Variants in POC1A observed in about 807,000 individuals in gnomAD.
The protein encoded by POC1A is POC1 centriolar protein A.
In POC1A, 34 loss-of-function variants were observed where a neutral mutation model predicts 47.8. The ratio of observed to expected loss-of-function variants is 0.71; its 90% CI spans 0.54 to 0.95. POC1A has a LOEUF of 0.95. Among genes scored for constraint, POC1A ranks in the 40% least tolerant of loss-of-function variants. The pLI, the probability that POC1A is intolerant of heterozygous loss-of-function variation, is 0.00. For synonymous variants in POC1A, 177 were observed against 207.6 expected (o/e 0.85, Z 1.27); for missense variants, 466 against 528.3 (o/e 0.88, Z 1.16).
At chr3:52,087,414 T>TC in intron 10 of POC1A, among the ~76,000 whole-genome samples, 1 of 152,088 alleles carries the variant, frequency 6.6e-6, no homozygotes, top group Non-Finnish European at 1.5e-5. Flanking sequence ...TTTTAACCAC[T>TC]CCCCCTAACC....
At chr3:52,088,159 G>A (rs969287529) in intron 10 of POC1A, among the ~76,000 whole-genome samples, 1 of 152,156 alleles carries the variant, frequency 6.6e-6, no homozygotes, top group Non-Finnish European at 1.5e-5. Context: ...GGAAGTCTCA[G>A]TATAGCCTGG....
rs1698343397 is a variant in POC1A, at chr3:52,145,846, A to T, written c.679T>A (p.Leu227Met). Residue 227 changes from leucine (L) to methionine (M), a missense_variant and splice_region_variant, in exon 6 of 11, where the codon TTG (leucine) becomes ATG (methionine). Physicochemically the swap from Leu to Met is conservative, Grantham distance 15. Coordinates refer to ENST00000296484, the MANE Select transcript of POC1A (RefSeq NM_015426.5). ...RTHRLLQHYQ[L>M]HSAAVNGLSF... ...GCCCAGGAGGCTGTTCACCACTCAC[A>T]CTGATAATGCTGCAGCAGCCGGTGA... 2 of 1,607,110 alleles carry T rather than the reference A, an allele frequency of 1.2e-6. No homozygotes were observed. Among genetic ancestry groups the T allele is most frequent in the Admixed American group, 3.3e-5 (2 of 60,006 alleles).
chr3:52,110,188 T>C (rs1032968152), intron 9 of POC1A, among the ~76,000 whole-genome samples: 4 of 152,142 alleles, frequency 2.6e-5, no homozygotes, highest in African/African-American at 9.7e-5. Flanking sequence ...CTGAGCACCA[T>C]GGCAAGAGCA....
At chr3:52,112,460 G>T (rs1016433072) in intron 9 of POC1A, among the ~76,000 whole-genome samples, 1 of 152,082 alleles carries the variant, frequency 6.6e-6, no homozygotes, top group African/African-American at 2.4e-5. Flanking sequence ...CCAACATGGC[G>T]AAACCCCATC....
At chr3:52,152,308 G>A (rs1020480549) in intron 1 of POC1A, among the ~76,000 whole-genome samples, 1 of 151,942 alleles carries the variant, frequency 6.6e-6, no homozygotes, top group Non-Finnish European at 1.5e-5. Context: ...AGTGGCTCAC[G>A]CCTGTAATCC....
Position 52,075,882 on chromosome 3 carries a change from C to A in POC1A, c.*5G>T. On this transcript the variant is annotated 3_prime_UTR_variant, in exon 11 of 11. Transcript: ENST00000296484. ...CCACCGAGCTCCTGATTCCTGCTCC[C>A]CTGATCATGGTGTTGCTCTCTGCAT... The A allele has an allele frequency of 6.2e-7, 1 of 1,607,206 alleles. No homozygotes were observed. The highest frequency in any genetic ancestry group is 1.1e-5 in the South Asian group (1 of 90,940).
chr3:52,089,071 C>A (rs1372921345), intron 10 of POC1A, among the ~76,000 whole-genome samples: 2 of 151,754 alleles, frequency 1.3e-5, no homozygotes, highest in East Asian at 3.9e-4. Flanking sequence ...GATAGAAAAC[C>A]AGAGTTTTTT....
At chr3:52,135,991 A>G (rs1413782680) in intron 7 of POC1A, among the ~76,000 whole-genome samples, 8 of 151,752 alleles carry the variant, frequency 5.3e-5, no homozygotes, top group Non-Finnish European at 1.0e-4. Flanking sequence ...GATGGGAGAG[A>G]ATCAGCCTCT....
In POC1A at chr3:52,090,319, A is replaced by C. The variant is rs547052694; in HGVS notation, c.1125+6250T>G. Reference sequence around the variant, plus strand: ...GGCTCGGTATTTTTAAAAAGCAGCAAGACGTGAAACTGGAGTCAAAAATAA... The same window carrying C: ...GGCTCGGTATTTTTAAAAAGCAGCACGACGTGAAACTGGAGTCAAAAATAA... On this transcript the variant is annotated intron_variant, in intron 10 of 10. Transcript: ENST00000296484. This position sits in a 1 kb window ranked among gnomAD's most constrained non-coding sequence, Gnocchi z 4.2. Among the ~76,000 whole-genome samples, 111 of 152,382 alleles carry C rather than the reference A, an allele frequency of 7.3e-4. No individual in the cohort carries two copies. Among genetic ancestry groups the C allele is most frequent in the Non-Finnish European group, 1.1e-3 (77 of 68,046 alleles).
intron 1 of POC1A, among the ~76,000 whole-genome samples, chr3:52,153,048 G>T (rs1182068837): frequency 1.3e-5 from 2 of 152,224 alleles, no homozygotes; most frequent in Non-Finnish European, 2.9e-5. Context: ...CTGTTATTGA[G>T]TATGGAGTTT....
chr3:52,154,339 TC>T lies in POC1A; in HGVS notation c.18+15del, dbSNP rs1698656295. ...GGGAGACTGAGGCCTGGGGAGTTGC[TC>T]TCGGCTGGGCTTACCGCGCAGGGCG... On this transcript the variant is annotated intron_variant, in intron 1 of 10. Transcript: ENST00000296484. 1 of 1,561,062 alleles carries T rather than the reference TC, an allele frequency of 6.4e-7. No individual in the cohort carries two copies. Among genetic ancestry groups the T allele is most frequent in the African/African-American group, 1.4e-5 (1 of 71,218 alleles).
rs1270313127 is a variant in POC1A, at chr3:52,075,709, G to C, written c.*178C>G. 1.8e-6 allele frequency: 1 copy of C among 569,906 alleles called. No homozygotes were observed. Among genetic ancestry groups the C allele is most frequent in the African/African-American group, 1.9e-5 (1 of 53,920 alleles). The allele number at this position is 569,906 out of a possible 1,614,324, so 35.3% of individuals were successfully genotyped here. ...GCCCACTGGGGACCTCTGGCTGCCA[G>C]GTGGAGAGCCTCCTGGTGCAGATAG... On this transcript the variant is annotated 3_prime_UTR_variant, in exon 11 of 11. Transcript: ENST00000296484.
At chr3:52,152,373 C>A (rs1698585447) in intron 1 of POC1A, among the ~76,000 whole-genome samples, 1 of 152,142 alleles carries the variant, frequency 6.6e-6, no homozygotes, top group Non-Finnish European at 1.5e-5. Flanking sequence ...AGTTCAAGAT[C>A]AGCCTGGCCA....
chr3:52,097,849 C>T (rs954242073), intron 9 of POC1A, among the ~76,000 whole-genome samples: 1 of 152,214 alleles, frequency 6.6e-6, no homozygotes, highest in Non-Finnish European at 1.5e-5. Flanking sequence ...TCTAAGACTT[C>T]GGCCATCAGG....
intron 7 of POC1A, among the ~76,000 whole-genome samples, chr3:52,136,754 G>A (rs1454390457): frequency 6.6e-6 from 1 of 152,194 alleles, no homozygotes; most frequent in Non-Finnish European, 1.5e-5. Flanking sequence ...ACTTCCCGGA[G>A]AGAACAATGT....
At position 52,075,342 on chromosome 3, in the gene POC1A, A is replaced by G. The variant is rs1330183677; in HGVS notation, c.*545T>C. 1.3e-5 allele frequency: 2 copies of G among 154,818 alleles called. No homozygotes were observed. The highest frequency in any genetic ancestry group is 2.9e-5 in the Non-Finnish European group (2 of 69,452). The allele number at this position is 154,818 out of a possible 1,614,324, so 9.6% of individuals were successfully genotyped here. On this transcript the variant is annotated 3_prime_UTR_variant, in exon 11 of 11. Transcript: ENST00000296484. ...TGGCTCCAGTGAACACGTGTGGAAC[A>G]GAAATCAGGGCCACTGAAAAGCCAC...
In POC1A at chr3:52,085,556, C is replaced by T. The variant is rs556634442; in HGVS notation, c.1126-9571G>A. ...ACCTGAGGCCCGCCCACTCTCCTAC[C>T]CTAGGAGCCTCCTTGCCCTGGCCCC... On this transcript the variant is annotated intron_variant, in intron 10 of 10. Transcript: ENST00000296484. 2.2e-4 allele frequency among the ~76,000 whole-genome samples: 34 copies of T among 152,360 alleles called. No individual in the cohort carries two copies. In the East Asian group the frequency reaches 6.4e-3, roughly 29 times the overall value.
intron 9 of POC1A, among the ~76,000 whole-genome samples, chr3:52,113,574 C>T (rs564544567): frequency 6.6e-6 from 1 of 152,320 alleles, no homozygotes; most frequent in African/African-American, 2.4e-5. Context: ...TGGTGGTGTG[C>T]ACCTGTAATC....
intron 9 of POC1A, among the ~76,000 whole-genome samples, chr3:52,109,403 T>C (rs1703302245): frequency 6.6e-6 from 1 of 152,116 alleles, no homozygotes; most frequent in Non-Finnish European, 1.5e-5. Context: ...TACATGGGGT[T>C]TGTTACATTA....
Sources: allele counts gnomAD v4.1 joint callset (sites outside exome capture counted in the v4.1 genomes callset), GRCh38; gene constraint gnomAD v4.1.1; non-coding constraint Gnocchi (gnomAD v3.1); transcripts MANE v1.5; gene names NCBI Gene and HGNC (gene_info 2026-07-23, HGNC 2026-07-21).